EFL1: variants seen among roughly 807,000 people sequenced by gnomAD.
EFL1 encodes elongation factor-like GTPase 1.
A neutral mutation model predicts 126.7 loss-of-function variants in EFL1; 76 were observed. The ratio of observed to expected loss-of-function variants is 0.60; its 90% CI spans 0.50 to 0.73. The LOEUF is 0.73. Among genes scored for constraint, EFL1 ranks in the 30% least tolerant of loss-of-function variants. The pLI, the probability that EFL1 is intolerant of heterozygous loss-of-function variation, is 0.00. For missense variants in EFL1, 1,128 were observed against 1,343.2 expected (o/e 0.84, Z 2.50); for synonymous variants, 410 against 448.4 (o/e 0.91, Z 1.08).
At chr15:82,204,672 T>C (rs1474290933) in intron 15 of EFL1, among the ~76,000 whole-genome samples, 1 of 152,176 alleles carries the variant, frequency 6.6e-6, no homozygotes, top group Non-Finnish European at 1.5e-5. Context: ...AGGTCAAATG[T>C]CTCACTATCT....
At chr15:82,222,589 A>G (rs2074723207) in intron 12 of EFL1, among the ~76,000 whole-genome samples, 1 of 152,160 alleles carries the variant, frequency 6.6e-6, no homozygotes, top group Non-Finnish European at 1.5e-5. Flanking sequence ...CTATGTATCT[A>G]TCCATCCATC....
intron 15 of EFL1, among the ~76,000 whole-genome samples, chr15:82,201,093 T>C (rs1406861793): frequency 1.3e-5 from 2 of 152,372 alleles, no homozygotes; most frequent in Middle Eastern, 3.4e-3. Context: ...CAAGGCTGCC[T>C]GAGAATATTT....
At chr15:82,167,534 T>C (rs961945588) in intron 15 of EFL1, among the ~76,000 whole-genome samples, 11 of 152,184 alleles carry the variant, frequency 7.2e-5, no homozygotes, top group African/African-American at 2.7e-4. Flanking sequence ...GATATGAGAC[T>C]GAAAAAAATT....
At chr15:82,163,706 GCCCTTTGAAGAGTTGCT>G in intron 16 of EFL1, 130 bp downstream of exon 16, 1 of 901,872 alleles carries the variant, frequency 1.1e-6, no homozygotes, top group Non-Finnish European at 1.6e-6. Context: ...GAAGTTAGAT[GCCCTTTGAAGAGTTGCT>G]TCTACTATAG....
intron 15 of EFL1, among the ~76,000 whole-genome samples, chr15:82,173,946 T>C (rs2074163885): frequency 6.6e-6 from 1 of 152,022 alleles, no homozygotes; most frequent in Non-Finnish European, 1.5e-5. Context: ...TCCCAGCACT[T>C]TGGGAGGCCG....
rs140465408 is a variant in EFL1, at chr15:82,231,539, T to C, written c.732-568A>G. Among the ~76,000 whole-genome samples, 652 of 152,302 alleles carry C rather than the reference T, an allele frequency of 4.3e-3. 1 individual carries two copies. The highest frequency in any genetic ancestry group is 7.4e-3 in the Non-Finnish European group (500 of 68,022). ...AGTCAATCAACAACTAAGGGTCCTA[T>C]ATACAGCATCTGCATTGTCTGGATA... On this transcript the variant is annotated intron_variant, in intron 7 of 19. Transcript: ENST00000268206.
chr15:82,165,348 CAAAG>C (rs1366841452), intron 15 of EFL1, among the ~76,000 whole-genome samples: 1 of 152,080 alleles, frequency 6.6e-6, no homozygotes, highest in Non-Finnish European at 1.5e-5. Context: ...AGAAAGGAAA[CAAAG>C]AAAATCACTT....
intron 5 of EFL1, among the ~76,000 whole-genome samples, chr15:82,241,054 CAAACAA>C (rs2074926062): frequency 6.6e-6 from 1 of 152,094 alleles, no homozygotes; most frequent in South Asian, 2.1e-4. Context: ...TGTCTCAAAA[CAAACAA>C]AAACAAAAAC....
intron 18 of EFL1, among the ~76,000 whole-genome samples, chr15:82,149,536 G>T (rs2073885740): frequency 6.6e-6 from 1 of 152,176 alleles, no homozygotes; most frequent in Non-Finnish European, 1.5e-5. Flanking sequence ...GTTCTCTACT[G>T]GTTGGAGGGT....
At chr15:82,241,906 A>C (rs2074934898) in intron 4 of EFL1, among the ~76,000 whole-genome samples, 1 of 152,236 alleles carries the variant, frequency 6.6e-6, no homozygotes, top group African/African-American at 2.4e-5. Flanking sequence ...TCAATTCTAC[A>C]AAAACTTAAG....
chr15:82,254,139 G>A (rs781204581), intron 3 of EFL1, among the ~76,000 whole-genome samples: 2 of 152,160 alleles, frequency 1.3e-5, no homozygotes, highest in Non-Finnish European at 2.9e-5. Flanking sequence ...GACCTCTGGC[G>A]AAACGCAATA....
At chr15:82,220,011 G>C in intron 13 of EFL1, 67 bp downstream of exon 13, 2 of 1,523,296 alleles carry the variant, frequency 1.3e-6, no homozygotes, top group East Asian at 4.6e-5. Flanking sequence ...AGAACTAAAG[G>C]ATGAGTGTCC....
At chr15:82,241,026 G>A (rs2074925728) in intron 5 of EFL1, among the ~76,000 whole-genome samples, 1 of 152,144 alleles carries the variant, frequency 6.6e-6, no homozygotes, top group African/African-American at 2.4e-5. Context: ...CTAAAGCCTG[G>A]GTGACAGAGC....
chr15:82,216,766 T>G (rs28752301), intron 14 of EFL1, among the ~76,000 whole-genome samples: 23,246 of 152,084 alleles, frequency 0.15, 3,212 homozygotes, highest in African/African-American at 0.37. Context: ...GACTTCAACA[T>G]AGACTTAATT....
At chr15:82,203,814 C>T (rs536223684) in intron 15 of EFL1, among the ~76,000 whole-genome samples, 1 of 152,290 alleles carries the variant, frequency 6.6e-6, no homozygotes, top group South Asian at 2.1e-4. Context: ...CCATTGTGCA[C>T]CATAATCTAC....
At chr15:82,160,690 A>T (rs1016180579) in intron 16 of EFL1, among the ~76,000 whole-genome samples, 1 of 152,204 alleles carries the variant, frequency 6.6e-6, no homozygotes, top group African/African-American at 2.4e-5. Flanking sequence ...ACAATTCTAG[A>T]AACAAATTAC....
chr15:82,261,923 T>C (rs2075125375), intron 1 of EFL1, 126 bp from the exon 2 acceptor site: 1 of 642,638 alleles, frequency 1.6e-6, no homozygotes, highest in South Asian at 2.0e-5. Context: ...CCAGTGAATG[T>C]TTATTGATGA....
chr15:82,138,909 T>C (rs2073755495), intron 18 of EFL1, 67 bp from the exon 19 acceptor site: 1 of 1,450,118 alleles, frequency 6.9e-7, no homozygotes. Flanking sequence ...CAAGACATGA[T>C]TACCCATATA....
intron 15 of EFL1, among the ~76,000 whole-genome samples, chr15:82,190,863 G>T (rs1349507704): frequency 3.3e-5 from 5 of 151,974 alleles, no homozygotes. Flanking sequence ...ACGTATGTAT[G>T]CAAATTAACT....
Sources: gnomAD v4.1 joint callset for allele counts (sites outside exome capture counted in the v4.1 genomes callset) on GRCh38, gnomAD v4.1.1 for gene constraint, MANE v1.5 for transcripts, NCBI Gene and HGNC (gene_info 2026-07-23, HGNC 2026-07-21) for gene names.